The following GPN1 variants were observed in gnomAD, a reference collection of about 807,000 sequenced individuals.
GPN1 encodes the protein ATP(GTP)-binding protein.
A neutral mutation model predicts 55.9 loss-of-function variants in GPN1; 44 were observed. The observed-to-expected ratio is 0.79, with a 90% confidence interval of 0.62 to 1.01. The LOEUF (loss-of-function observed/expected upper bound fraction) is 1.01. Among genes scored for constraint, GPN1 ranks in the 50% least tolerant of loss-of-function variants. The probability of loss-of-function intolerance (pLI) is 0.00; values close to 1 mark genes in which losing one functional copy is unlikely to be tolerated. For missense variants in GPN1, 466 were observed against 462.8 expected (o/e 1.01, Z -0.06); for synonymous variants, 179 against 162.5 (o/e 1.10, Z -0.77).
rs1674464295 is a variant in GPN1 at position 27,650,264 on chromosome 2, C to T, written c.*64C>T. 1.1e-6 allele frequency: 1 copy of T among 884,380 alleles called. No individual in the cohort carries two copies. Among genetic ancestry groups the T allele is most frequent in the Non-Finnish European group, 1.9e-6 (1 of 534,218 alleles). The allele number at this position is 884,380 out of a possible 1,614,324, so 54.8% of individuals were successfully genotyped here. On this transcript the variant is annotated 3_prime_UTR_variant, in exon 14 of 14. Coordinates refer to ENST00000610189, the MANE Select transcript of GPN1 (RefSeq NM_007266.4). ...AATTTTGGACCTCCACGTGAAAGAA[C>T]TGTTCTTACCTCTGAACTGGGGGCT...
chr2:27,651,341 C>T lies in GPN1; in HGVS notation c.*1141C>T, dbSNP rs1674537587. 6.6e-6 allele frequency: 1 copy of T among 152,284 alleles called. No homozygotes were observed. The highest frequency in any genetic ancestry group is 1.5e-5 in the Non-Finnish European group (1 of 68,034). The allele number at this position is 152,284 out of a possible 1,614,324, so 9.4% of individuals were successfully genotyped here. The stretch of plus-strand genomic sequence containing the variant: ...GCTGAGCAGTCTGTTTTAGAAAGCC[C>T]TCCATGTGATTCTGATGCATAGTAG... On this transcript the variant is annotated 3_prime_UTR_variant, in exon 14 of 14. Transcript: ENST00000610189.
At chr2:27,631,210 C>A in intron 3 of GPN1, 144 bp downstream of exon 3, 1 of 631,846 alleles carries the variant, frequency 1.6e-6, no homozygotes, top group Non-Finnish European at 2.9e-6. Context: ...GGTAGGTGAT[C>A]AGAAATACTA....
At chr2:27,642,956 TATACACAC>T (rs932168623) in intron 12 of GPN1, among the ~76,000 whole-genome samples, 2 of 85,732 alleles carry the variant, frequency 2.3e-5, no homozygotes, top group African/African-American at 7.1e-5. Flanking sequence ...TATATATATA[TATACACAC>T]ACACACACAC....
At chr2:27,636,842 A>T (rs947557114) in intron 7 of GPN1, among the ~76,000 whole-genome samples, 15 of 152,102 alleles carry the variant, frequency 9.9e-5, no homozygotes, top group African/African-American at 9.7e-5. Flanking sequence ...ATTTCTTTTT[A>T]AAAAAATTAA....
In GPN1 at chr2:27,638,251, A is replaced by C. The variant is rs1216304277; in HGVS notation, c.566A>C (p.Asn189Thr). 6.5e-7 allele frequency: 1 copy of C among 1,541,798 alleles called. No individual in the cohort carries two copies. The highest frequency in any genetic ancestry group is 1.4e-5 in the African/African-American group (1 of 73,504). ...KTKLPFIVVM[N>T]KTDIIDHSFA... ...AAGCTGCCTTTCATTGTGGTCATGA[A>C]TAAAGTAAGTGTATTCTTCCTGTTG... The change falls in exon 8 of 14, where the codon AAT becomes ACT. Residue 189 changes from asparagine (N) to threonine (T), a missense_variant. Transcript: ENST00000610189.
intron 13 of GPN1, among the ~76,000 whole-genome samples, chr2:27,649,221 G>A (rs1161504738): frequency 6.6e-6 from 1 of 151,334 alleles, no homozygotes; most frequent in African/African-American, 2.4e-5. Context: ...CTCAGGCCTC[G>A]GTAACAAGAG....
chr2:27,649,476 T>C (rs893490023), intron 13 of GPN1, among the ~76,000 whole-genome samples: 16 of 152,188 alleles, frequency 1.1e-4, no homozygotes, highest in African/African-American at 3.6e-4. Context: ...ACAATCACAG[T>C]TGAAATGTAG....
intron 4 of GPN1, among the ~76,000 whole-genome samples, chr2:27,632,126 G>C (rs1027575951): frequency 6.6e-6 from 1 of 152,140 alleles, no homozygotes; most frequent in African/African-American, 2.4e-5. Flanking sequence ...AAAGACCTGG[G>C]TTATTTTCTT....
chr2:27,645,246 T>A (rs1674168668), intron 12 of GPN1, among the ~76,000 whole-genome samples: 1 of 152,164 alleles, frequency 6.6e-6, no homozygotes, highest in Non-Finnish European at 1.5e-5. Flanking sequence ...GTTGGGATCA[T>A]AGGCATAAGC....
At chr2:27,635,086 T>C (rs1673679949) in intron 6 of GPN1, 54 bp from the exon 7 acceptor site, 1 of 1,141,918 alleles carries the variant, frequency 8.8e-7, no homozygotes, top group African/African-American at 1.5e-5. Context: ...AAAAAGAGTT[T>C]GAGGACAGAT....
intron 5 of GPN1, among the ~76,000 whole-genome samples, chr2:27,634,209 G>A (rs926711858): frequency 2.0e-5 from 3 of 151,988 alleles, no homozygotes; most frequent in Non-Finnish European, 4.4e-5. Flanking sequence ...TATATTTAGA[G>A]AAATGTCTAT....
chr2:27,630,373 C>T (rs1367628039), intron 2 of GPN1, among the ~76,000 whole-genome samples: 4 of 148,310 alleles, frequency 2.7e-5, no homozygotes, highest in Non-Finnish European at 5.9e-5. Context: ...GCTTGCATTC[C>T]TAAACAGCTT....
intron 9 of GPN1, 67 bp downstream of exon 9, chr2:27,639,098 T>G (rs1036738017): frequency 7.0e-6 from 9 of 1,292,152 alleles, no homozygotes; most frequent in Middle Eastern, 1.9e-4. Context: ...AGGATTGGCT[T>G]TGAACCTGGC....
At position 27,650,121 on chromosome 2, in the gene GPN1, A is replaced by G; in HGVS notation, c.1046A>G (p.Glu349Gly). 1 of 1,588,208 alleles carries G rather than the reference A, an allele frequency of 6.3e-7. No individual in the cohort carries two copies. The highest frequency in any genetic ancestry group is 8.6e-7 in the Non-Finnish European group (1 of 1,156,478). ...DTDDIDHRVT[E>G]ESHEEPAFQN... ...TGCCCTTTTTTCCTTGCAGTTACAG[A>G]GGAAAGCCATGAAGAGCCAGCATTC... is the stretch of plus-strand genomic sequence containing the variant. Residue 349 changes from glutamate (E) to glycine (G), a missense_variant, in exon 14 of 14, where the codon GAG becomes GGG. By Grantham distance (98) the Glu-to-Gly change is moderately conservative. Coordinates refer to ENST00000610189, the MANE Select transcript of GPN1 (RefSeq NM_007266.4).
At position 27,643,478 on chromosome 2, in the gene GPN1, C is replaced by T. The variant is rs1674067384; in HGVS notation, c.931+959C>T. ...TTTTATATAACCTCAGTGCAGTTAT[C>T]AGAAATCAGGAAATTAACATTGACA... On this transcript the variant is annotated intron_variant, in intron 12 of 13. Coordinates refer to ENST00000610189, the MANE Select transcript of GPN1 (RefSeq NM_007266.4). The surrounding 1 kb of genome is among the most constrained non-coding windows in gnomAD (Gnocchi z 4.0). Among the ~76,000 whole-genome samples the T allele has an allele frequency of 6.6e-6, 1 of 151,988 alleles. No homozygotes were observed. Among genetic ancestry groups the T allele is most frequent in the Non-Finnish European group, 1.5e-5 (1 of 68,002 alleles).
At chr2:27,650,011 A>C in intron 13 of GPN1, 104 bp from the exon 14 acceptor site, 4 of 683,514 alleles carry the variant, frequency 5.9e-6, no homozygotes, top group Non-Finnish European at 1.1e-5. Flanking sequence ...TGAGTACTTA[A>C]GTTTCTTAGA....
chr2:27,636,480 A>AT (rs1558487863), intron 7 of GPN1, among the ~76,000 whole-genome samples: 1 of 152,104 alleles, frequency 6.6e-6, no homozygotes, highest in African/African-American at 2.4e-5. Flanking sequence ...TTTCATATTA[A>AT]TTATTTATTT....
At chr2:27,648,662 G>A (rs906535526) in intron 13 of GPN1, among the ~76,000 whole-genome samples, 2 of 152,194 alleles carry the variant, frequency 1.3e-5, no homozygotes, top group African/African-American at 2.4e-5. Context: ...TTGAGACAGA[G>A]TTTTGCTTCA....
chr2:27,642,303 C>T, intron 11 of GPN1, 126 bp from the exon 12 acceptor site: 1 of 654,872 alleles, frequency 1.5e-6, no homozygotes. Flanking sequence ...TACCAGACGT[C>T]CCTTATCTGC....
Sources: gnomAD v4.1 joint callset for allele counts (sites outside exome capture counted in the v4.1 genomes callset) on GRCh38, gnomAD v4.1.1 for gene constraint, Gnocchi (gnomAD v3.1) non-coding constraint, MANE v1.5 for transcripts, NCBI Gene and HGNC (gene_info 2026-07-23, HGNC 2026-07-21) for gene names.